The following FTO variants were observed in gnomAD, a reference collection of about 807,000 sequenced individuals.
FTO encodes alpha-ketoglutarate-dependent dioxygenase FTO.
Under a neutral mutation model 63.9 loss-of-function variants are expected in FTO, and 47 were observed. The ratio of observed to expected loss-of-function variants is 0.74; its 90% CI spans 0.58 to 0.94. The LOEUF is 0.94. FTO is among the 40% of genes least tolerant of loss of function. The probability of loss-of-function intolerance (pLI) is 0.00; values close to 1 mark genes in which losing one functional copy is unlikely to be tolerated. For synonymous variants in FTO, 207 were observed against 224.4 expected, an observed-to-expected ratio of 0.92 and a Z score of 0.69; for missense variants, 562 against 618.1, an observed-to-expected ratio of 0.91 and a Z score of 0.96.
intron 1 of FTO, among the ~76,000 whole-genome samples, chr16:53,724,640 C>T (rs1016428738): frequency 7.2e-5 from 11 of 152,308 alleles, no homozygotes; most frequent in Non-Finnish European, 1.3e-4. Flanking sequence ...ATGTGTCTAC[C>T]TGCCTTTTTT....
At chr16:53,729,885 C>T (rs1352997361) in intron 1 of FTO, among the ~76,000 whole-genome samples, 2 of 152,170 alleles carry the variant, frequency 1.3e-5, no homozygotes, top group Non-Finnish European at 2.9e-5. Flanking sequence ...CCTTAGCTTT[C>T]CCCTCACTAT....
intron 8 of FTO, among the ~76,000 whole-genome samples, chr16:54,103,519 A>G (rs1449787397): frequency 1.3e-5 from 2 of 152,240 alleles, no homozygotes; most frequent in East Asian, 3.8e-4. Context: ...CGTGGGGAAC[A>G]GAGGCAAGAG....
At chr16:54,094,185 T>A (rs1159289385) in intron 8 of FTO, among the ~76,000 whole-genome samples, 3 of 152,214 alleles carry the variant, frequency 2.0e-5, no homozygotes, top group African/African-American at 7.2e-5. Context: ...TCTTGCTTTC[T>A]CCTTAAAGAT....
rs187607902 is a variant in FTO at position 53,890,673 on chromosome 16, A to G, written c.1239+1722A>G. Among the ~76,000 whole-genome samples, 368 of 152,330 alleles carry G rather than the reference A, an allele frequency of 2.4e-3. 1 individual carries two copies. The highest frequency in any genetic ancestry group is 8.0e-3 in the African/African-American group (334 of 41,576). On this transcript the variant is annotated intron_variant, in intron 7 of 8. Transcript: ENST00000471389. The stretch of plus-strand genomic sequence containing the variant: ...TTGATTTCTCCAAAGACCTGAATCG[A>G]TGCAAAACTGAGCATTGTGAAACTG...
chr16:54,037,141 C>G (rs2084959390), intron 8 of FTO, among the ~76,000 whole-genome samples: 1 of 152,108 alleles, frequency 6.6e-6, no homozygotes, highest in Non-Finnish European at 1.5e-5. Context: ...TTCCAGATTC[C>G]CAGGGAGAGA....
intron 7 of FTO, among the ~76,000 whole-genome samples, chr16:53,894,057 A>G (rs979682835): frequency 6.6e-6 from 1 of 152,244 alleles, no homozygotes. Flanking sequence ...AATTTGGCAC[A>G]GGAGAGCAGA....
At chr16:53,785,450 G>A (rs960653159) in intron 1 of FTO, among the ~76,000 whole-genome samples, 4 of 152,144 alleles carry the variant, frequency 2.6e-5, no homozygotes, top group South Asian at 4.1e-4. Flanking sequence ...TAGGGTGAGA[G>A]TGCTGTTTTT....
chr16:53,765,158 A>G (rs757161570), intron 1 of FTO, among the ~76,000 whole-genome samples: 1 of 152,202 alleles, frequency 6.6e-6, no homozygotes, highest in Non-Finnish European at 1.5e-5. Flanking sequence ...ACTGAGGCTT[A>G]TATATGCTCA....
intron 1 of FTO, among the ~76,000 whole-genome samples, chr16:53,708,938 G>A (rs2075697898): frequency 6.6e-6 from 1 of 152,098 alleles, no homozygotes; most frequent in Non-Finnish European, 1.5e-5. Flanking sequence ...TGTTTACTAT[G>A]TGTGTTGCAA....
At chr16:54,041,373 C>G (rs1231777384) in intron 8 of FTO, among the ~76,000 whole-genome samples, 1 of 152,102 alleles carries the variant, frequency 6.6e-6, no homozygotes, top group African/African-American at 2.4e-5. Context: ...ATCCAATCAC[C>G]TCCCACCACT....
intron 7 of FTO, among the ~76,000 whole-genome samples, chr16:53,915,174 T>C (rs1415895391): frequency 6.6e-6 from 1 of 152,194 alleles, no homozygotes; most frequent in East Asian, 1.9e-4. Flanking sequence ...TGTTACTTTT[T>C]ACTGACCCAA....
At chr16:53,710,485 G>T (rs918172935) in intron 1 of FTO, among the ~76,000 whole-genome samples, 1 of 151,966 alleles carries the variant, frequency 6.6e-6, no homozygotes, top group African/African-American at 2.4e-5. Flanking sequence ...GCCTGATCTC[G>T]AACTCCTGAC....
chr16:53,851,285 TAAAA>T (rs571720201), intron 4 of FTO, among the ~76,000 whole-genome samples: 26,539 of 102,900 alleles, frequency 0.26, 2,893 homozygotes, highest in East Asian at 0.33. Flanking sequence ...CCACCTCTAC[TAAAA>T]AAAAAAAAAA....
At chr16:53,953,827 A>G (rs1299152251) in intron 8 of FTO, among the ~76,000 whole-genome samples, 1 of 152,256 alleles carries the variant, frequency 6.6e-6, no homozygotes, top group Non-Finnish European at 1.5e-5. Flanking sequence ...GTTCATTTAA[A>G]TGAGCAAATC....
intron 8 of FTO, among the ~76,000 whole-genome samples, chr16:54,096,406 C>G (rs1340346972): frequency 3.9e-5 from 6 of 152,176 alleles, no homozygotes; most frequent in African/African-American, 1.4e-4. Context: ...GACTTCTTCC[C>G]TTTCTACAAA....
rs1451061528 is a variant in FTO at position 53,841,159 on chromosome 16, T to A, written c.752-2996T>A. Among the ~76,000 whole-genome samples the A allele has an allele frequency of 2.0e-5, 3 of 150,818 alleles. No homozygotes were observed. In the Admixed American group the frequency reaches 2.0e-4, roughly 10 times the overall value. Reference sequence around the variant, plus strand: ...AGTGCCCATGACAGACATCAGTAATTGATCATAACACTCTTTCCTGCTGAG... The same window carrying A: ...AGTGCCCATGACAGACATCAGTAATAGATCATAACACTCTTTCCTGCTGAG... On this transcript the variant is annotated intron_variant, in intron 3 of 8. Transcript: ENST00000471389.
chr16:53,753,178 A>G (rs1373707846), intron 1 of FTO, among the ~76,000 whole-genome samples: 3 of 149,162 alleles, frequency 2.0e-5, no homozygotes, highest in African/African-American at 4.9e-5. Flanking sequence ...ACCTGAGCCT[A>G]GGGAGTTGAG....
At chr16:54,064,202 C>T (rs544128292) in intron 8 of FTO, among the ~76,000 whole-genome samples, 24 of 152,284 alleles carry the variant, frequency 1.6e-4, no homozygotes, top group African/African-American at 5.8e-4. Flanking sequence ...ATTACTATTA[C>T]TACTTCTACT....
intron 8 of FTO, among the ~76,000 whole-genome samples, chr16:53,948,360 G>A (rs1053751098): frequency 1.3e-5 from 2 of 152,214 alleles, no homozygotes; most frequent in African/African-American, 4.8e-5. Context: ...CTCAGACCAG[G>A]GATTGCAGAT....
Sources: allele counts gnomAD v4.1 joint callset (sites outside exome capture counted in the v4.1 genomes callset), GRCh38; gene constraint gnomAD v4.1.1; transcripts MANE v1.5; gene names NCBI Gene and HGNC (gene_info 2026-07-23, HGNC 2026-07-21).